CAAP1: variants seen among roughly 807,000 people sequenced by gnomAD.
The protein encoded by CAAP1 is caspase activity and apoptosis inhibitor 1, also known as conserved anti-apoptotic protein.
Under a neutral mutation model 34.0 loss-of-function variants are expected in CAAP1, and 20 were observed. The observed-to-expected ratio is 0.59, with a 90% CI of 0.41 to 0.86. The LOEUF (loss-of-function observed/expected upper bound fraction) is 0.86, where lower values mean the gene tolerates loss of function less well. Ranked by LOEUF, CAAP1 falls within the 40% of genes least tolerant of loss-of-function variation. The pLI is 0.00. For synonymous variants in CAAP1, 213 were observed against 166.7 expected (o/e 1.28, Z -2.14); for missense variants, 538 against 450.5 (o/e 1.19, Z -1.76).
chr9:26,887,540 T>G, intron 1 of CAAP1, 27 bp from the exon 2 acceptor site: 1 of 1,300,952 alleles, frequency 7.7e-7, no homozygotes, highest in Non-Finnish European at 1.1e-6. Flanking sequence ...AAAGAACCAT[T>G]AAACAATACT....
intron 4 of CAAP1, among the ~76,000 whole-genome samples, chr9:26,868,921 C>T (rs565988171): frequency 6.6e-6 from 1 of 152,290 alleles, no homozygotes; most frequent in East Asian, 1.9e-4. Flanking sequence ...CTTTACGGAA[C>T]ATCCGGGAAA....
At chr9:26,844,687 A>G (rs564318124) in intron 5 of CAAP1, among the ~76,000 whole-genome samples, 1 of 152,212 alleles carries the variant, frequency 6.6e-6, no homozygotes, top group Admixed American at 6.5e-5. Flanking sequence ...CTTCCAGCAC[A>G]TAATATATAA....
At chr9:26,881,684 C>T (rs1436032424) in intron 4 of CAAP1, among the ~76,000 whole-genome samples, 1 of 152,146 alleles carries the variant, frequency 6.6e-6, no homozygotes, top group Non-Finnish European at 1.5e-5. Context: ...CAGACTAATA[C>T]AGTAAATTGG....
chr9:26,867,297 G>C (rs1038777705), intron 4 of CAAP1, among the ~76,000 whole-genome samples: 1 of 152,116 alleles, frequency 6.6e-6, no homozygotes, highest in Non-Finnish European at 1.5e-5. Context: ...CTCTGACTCT[G>C]CTTCCTTATG....
rs569828253 is a variant in CAAP1, at chr9:26,861,197, T to G, written c.666-58A>C. 5 of 1,261,506 alleles carry G rather than the reference T, an allele frequency of 4.0e-6. No homozygotes were observed. The East Asian group carries it at 1.2e-4, about 29-fold the overall frequency. The allele number at this position is 1,261,506 out of a possible 1,614,324, so 78.1% of individuals were successfully genotyped here. On this transcript the variant is annotated intron_variant, in intron 4 of 5. Coordinates refer to ENST00000333916, the MANE Select transcript of CAAP1 (RefSeq NM_024828.4). ...CTATATTTAATCACATAATATTTAC[T>G]ACCCAGGTTCCCAGAATTAAGTTAG...
chr9:26,858,822 CAAA>C (rs756404393), intron 5 of CAAP1, among the ~76,000 whole-genome samples: 5 of 87,200 alleles, frequency 5.7e-5, no homozygotes, highest in Non-Finnish European at 4.9e-5. Context: ...GGCTCCATCT[CAAA>C]AAAAAAAAAA....
intron 4 of CAAP1, among the ~76,000 whole-genome samples, chr9:26,870,648 C>G (rs967759892): frequency 6.6e-6 from 1 of 150,444 alleles, no homozygotes; most frequent in Non-Finnish European, 1.5e-5. Context: ...GAGTCTTGCT[C>G]TGTTGCCCAG....
At chr9:26,843,775 A>C (rs948265646) in intron 5 of CAAP1, among the ~76,000 whole-genome samples, 1 of 152,188 alleles carries the variant, frequency 6.6e-6, no homozygotes, top group Non-Finnish European at 1.5e-5. Context: ...TTGGTTTTAT[A>C]ATCAATGATG....
rs1205256478 is a variant in CAAP1, at chr9:26,840,862, C to T, written c.*1439G>A. On this transcript the variant is annotated 3_prime_UTR_variant, in exon 6 of 6. Transcript: ENST00000333916. ...TTAAGTTGAAATAGAAAAATTATAT[C>T]ACTGTCTTTTCATCTTGAAGCAATA... is the stretch of plus-strand genomic sequence containing the variant. The T allele has an allele frequency of 6.6e-6, 1 of 152,182 alleles. No homozygotes were observed. Among genetic ancestry groups the T allele is most frequent in the Non-Finnish European group, 1.5e-5 (1 of 68,020 alleles). The allele number at this position is 152,182 out of a possible 1,614,324, so 9.4% of individuals were successfully genotyped here.
chr9:26,867,185 T>C (rs1823160611), intron 4 of CAAP1, among the ~76,000 whole-genome samples: 1 of 152,226 alleles, frequency 6.6e-6, no homozygotes, highest in Admixed American at 6.5e-5. Flanking sequence ...TCTTCTTCCA[T>C]GAAACCAGTT....
At chr9:26,877,982 T>C (rs1233208298) in intron 4 of CAAP1, among the ~76,000 whole-genome samples, 2 of 152,132 alleles carry the variant, frequency 1.3e-5, no homozygotes, top group Admixed American at 1.3e-4. Flanking sequence ...CTACTTATTA[T>C]ACATGAGGAT....
intron 4 of CAAP1, among the ~76,000 whole-genome samples, chr9:26,864,362 G>A (rs1426464358): frequency 6.6e-6 from 1 of 151,924 alleles, no homozygotes; most frequent in Non-Finnish European, 1.5e-5. Context: ...TCTAAATATG[G>A]GGGGTGGGGG....
intron 1 of CAAP1, among the ~76,000 whole-genome samples, chr9:26,889,053 C>A (rs973792782): frequency 2.0e-5 from 3 of 152,196 alleles, no homozygotes; most frequent in African/African-American, 7.2e-5. Context: ...AGATGCCAGA[C>A]ACAAAACACC....
chr9:26,878,913 C>T (rs556247042), intron 4 of CAAP1, among the ~76,000 whole-genome samples: 1 of 152,240 alleles, frequency 6.6e-6, no homozygotes, highest in South Asian at 2.1e-4. Flanking sequence ...TTATCTTTGC[C>T]AAGATTCCCA....
chr9:26,847,542 A>G (rs947835228), intron 5 of CAAP1, among the ~76,000 whole-genome samples: 2 of 152,000 alleles, frequency 1.3e-5, no homozygotes, highest in African/African-American at 4.8e-5. Flanking sequence ...ATTTACATTT[A>G]TCTGATTAGA....
intron 2 of CAAP1, 144 bp from the exon 3 acceptor site, chr9:26,886,332 T>C (rs1039418788): frequency 1.1e-4 from 46 of 408,338 alleles, no homozygotes; most frequent in Middle Eastern, 1.3e-3. Context: ...ATACATCTTT[T>C]CCTGGGATGA....
rs937447981 is a variant in CAAP1, at chr9:26,851,884, C to G, written c.739+9182G>C. Among the ~76,000 whole-genome samples the G allele has an allele frequency of 4.5e-4, 68 of 152,118 alleles. 2 individuals are homozygous for G. The highest frequency in any genetic ancestry group is 1.6e-3 in the African/African-American group (66 of 41,422). On this transcript the variant is annotated intron_variant, in intron 5 of 5. Coordinates refer to ENST00000333916, the MANE Select transcript of CAAP1 (RefSeq NM_024828.4). ...ACTTTCTGTTAGTAACATCTCAGTG[C>G]TCCATAATCTACCCATCCTAGGAAA...
At chr9:26,856,236 T>C (rs1041950352) in intron 5 of CAAP1, among the ~76,000 whole-genome samples, 5 of 152,162 alleles carry the variant, frequency 3.3e-5, no homozygotes, top group African/African-American at 7.2e-5. Flanking sequence ...AATGTACAAA[T>C]ATTCAAAATA....
chr9:26,887,878 T>C (rs1020432590), intron 1 of CAAP1, among the ~76,000 whole-genome samples: 2 of 152,190 alleles, frequency 1.3e-5, no homozygotes, highest in African/African-American at 2.4e-5. Flanking sequence ...CTTAAATTCA[T>C]ATAAATAAAT....
Sources: gnomAD v4.1 joint callset for allele counts (sites outside exome capture counted in the v4.1 genomes callset) on GRCh38, gnomAD v4.1.1 for gene constraint, MANE v1.5 for transcripts, NCBI Gene and HGNC (gene_info 2026-07-23, HGNC 2026-07-21) for gene names.